PLCB1: variants seen among roughly 807,000 people sequenced by gnomAD.
PLCB1 encodes the protein phospholipase C beta 1.
Under a neutral mutation model 161.8 loss-of-function variants are expected in PLCB1, and 46 were observed. That is an observed-to-expected ratio of 0.28 (90% confidence interval 0.22 to 0.36). The LOEUF (loss-of-function observed/expected upper bound fraction) is 0.36. Among genes scored for constraint, PLCB1 ranks in the 10% least tolerant of loss-of-function variants. The pLI, the probability that PLCB1 is intolerant of heterozygous loss-of-function variation, is 1.00. For synonymous variants in PLCB1, 517 were observed against 503.7 expected (o/e 1.03, Z -0.35); for missense variants, 1,016 against 1,472.5 (o/e 0.69, Z 5.07).
chr20:8,184,769 TTTATTATTATTATTA>T lies in PLCB1; in HGVS notation c.177+34424_177+34438del, dbSNP rs57793768. Among the ~76,000 whole-genome samples the T allele has an allele frequency of 2.9e-4, 41 of 141,922 alleles. No individual in the cohort carries two copies. The East Asian group carries it at 7.7e-3, about 27-fold the overall frequency. 93.1% of individuals were successfully genotyped at this position (141,922 alleles called of 152,430 possible). ...AACATTTCGAAAGTTTGGCAATACC[TTTATTATTATTATTA>T]TTATTATTATTATTATTATTATTAT... On this transcript the variant is annotated intron_variant, in intron 2 of 31. Transcript: ENST00000338037.
chr20:8,407,523 G>C (rs985652145), intron 3 of PLCB1, among the ~76,000 whole-genome samples: 1 of 152,156 alleles, frequency 6.6e-6, no homozygotes, highest in Non-Finnish European at 1.5e-5. Flanking sequence ...AGAAAAATGA[G>C]GAAGAAGCAA....
intron 23 of PLCB1, among the ~76,000 whole-genome samples, chr20:8,756,489 A>G (rs1450691634): frequency 6.6e-6 from 1 of 152,194 alleles, no homozygotes; most frequent in Non-Finnish European, 1.5e-5. Flanking sequence ...TTTTTCATGC[A>G]TTATCTGGTC....
intron 3 of PLCB1, among the ~76,000 whole-genome samples, chr20:8,596,201 C>T (rs1216646968): frequency 6.7e-6 from 1 of 148,532 alleles, no homozygotes; most frequent in African/African-American, 2.5e-5. Context: ...AATGGTAATG[C>T]CTAGGTTTTC....
At chr20:8,353,123 G>A (rs1605791) in intron 2 of PLCB1, among the ~76,000 whole-genome samples, 38,047 of 151,878 alleles carry the variant, frequency 0.25, 5,669 homozygotes, top group African/African-American at 0.4. Flanking sequence ...CTAGAGCTGG[G>A]GAAGGGAATT....
At position 8,482,884 on chromosome 20, in the gene PLCB1, G is replaced by A. The variant is rs1982566224; in HGVS notation, c.246+111434G>A. 2.8e-5 allele frequency among the ~76,000 whole-genome samples: 4 copies of A among 143,014 alleles called. 1 individual carries two copies. The Admixed American group carries it at 2.9e-4, about 11-fold the overall frequency. The allele number at this position is 143,014 out of a possible 152,430, so 93.8% of individuals were successfully genotyped here. A position where few individuals can be genotyped will look rare whatever the true frequency, so the allele number is the denominator to read the frequency against. Reference sequence around the variant, plus strand: ...GAGATATTTGGCAAATGTAAGCAGGGCAGGCAGTCCTTCATTTTTTTTTTT... The same window carrying A: ...GAGATATTTGGCAAATGTAAGCAGGACAGGCAGTCCTTCATTTTTTTTTTT... On this transcript the variant is annotated intron_variant, in intron 3 of 31. Coordinates refer to ENST00000338037, the MANE Select transcript of PLCB1 (RefSeq NM_015192.4).
At chr20:8,577,960 C>T (rs1986726686) in intron 3 of PLCB1, among the ~76,000 whole-genome samples, 1 of 152,142 alleles carries the variant, frequency 6.6e-6, no homozygotes, top group Admixed American at 6.5e-5. Flanking sequence ...TGTAAACAAG[C>T]CTAAAAAAAT....
At chr20:8,363,782 T>C (rs1026347371) in intron 2 of PLCB1, among the ~76,000 whole-genome samples, 7 of 152,052 alleles carry the variant, frequency 4.6e-5, no homozygotes, top group African/African-American at 1.7e-4. Context: ...ATGCAGAGAT[T>C]TGTGAGGAAA....
intron 2 of PLCB1, among the ~76,000 whole-genome samples, chr20:8,161,049 A>G (rs1423960389): frequency 6.6e-6 from 1 of 152,068 alleles, no homozygotes; most frequent in Non-Finnish European, 1.5e-5. Context: ...TGTTATCATT[A>G]TCCTTGTTAT....
intron 31 of PLCB1, among the ~76,000 whole-genome samples, chr20:8,828,457 T>C (rs942540374): frequency 2.0e-5 from 3 of 152,206 alleles, no homozygotes; most frequent in African/African-American, 7.2e-5. Flanking sequence ...AAAATTATTT[T>C]GCAGTGAGAC....
chr20:8,357,770 G>A (rs940838981), intron 2 of PLCB1, among the ~76,000 whole-genome samples: 1 of 152,194 alleles, frequency 6.6e-6, no homozygotes, highest in African/African-American at 2.4e-5. Context: ...AGTTTTATTT[G>A]AGAACTCTTG....
intron 31 of PLCB1, among the ~76,000 whole-genome samples, chr20:8,820,117 T>C (rs916883869): frequency 6.7e-6 from 1 of 148,552 alleles, no homozygotes; most frequent in African/African-American, 2.4e-5. Context: ...TTTTTTTTTT[T>C]CAAAATTTTT....
chr20:8,671,911 G>C (rs1227071457), intron 9 of PLCB1, among the ~76,000 whole-genome samples: 4 of 152,128 alleles, frequency 2.6e-5, no homozygotes, highest in Non-Finnish European at 5.9e-5. Context: ...CTAAGCCTCC[G>C]TGTACTCAAC....
chr20:8,288,705 A>C (rs746857476), intron 2 of PLCB1, among the ~76,000 whole-genome samples: 4 of 152,136 alleles, frequency 2.6e-5, no homozygotes, highest in Non-Finnish European at 5.9e-5. Flanking sequence ...TGACACCTTC[A>C]GCATCTGCAG....
At position 8,716,098 on chromosome 20, in the gene PLCB1, T is replaced by G. The variant is rs920315351; in HGVS notation, c.1251-166T>G. 9 of 619,520 alleles carry G rather than the reference T, an allele frequency of 1.5e-5. No homozygotes were observed. The Admixed American group carries it at 1.9e-4, about 13-fold the overall frequency. The allele number at this position is 619,520 out of a possible 1,614,324, so 38.4% of individuals were successfully genotyped here. ...TTCGCTGTCCATCTGTGTATGTTAT[T>G]CAAATTCACATAAGTTAAGATAAAG... On this transcript the variant is annotated intron_variant, in intron 12 of 31. Coordinates refer to ENST00000338037, the MANE Select transcript of PLCB1 (RefSeq NM_015192.4).
At chr20:8,798,343 A>G (rs1984126822) in intron 31 of PLCB1, among the ~76,000 whole-genome samples, 1 of 152,216 alleles carries the variant, frequency 6.6e-6, no homozygotes, top group Admixed American at 6.5e-5. Flanking sequence ...TAACATCTGT[A>G]TCAGTCAGGG....
chr20:8,472,394 T>C (rs190445515), intron 3 of PLCB1, among the ~76,000 whole-genome samples: 1 of 152,310 alleles, frequency 6.6e-6, no homozygotes, highest in African/African-American at 2.4e-5. Context: ...GGTGACCACT[T>C]AATTTTACTG....
At chr20:8,658,515 G>T (rs1480833662) in intron 8 of PLCB1, 23 bp from the exon 9 acceptor site, 3 of 1,549,196 alleles carry the variant, frequency 1.9e-6, no homozygotes, top group Non-Finnish European at 2.6e-6. Flanking sequence ...AATTCTTATT[G>T]CTTGGTTTTT....
chr20:8,780,130 C>G (rs1048149874), intron 27 of PLCB1, among the ~76,000 whole-genome samples: 1 of 152,124 alleles, frequency 6.6e-6, no homozygotes, highest in African/African-American at 2.4e-5. Flanking sequence ...ACTGGTTAAA[C>G]CTGTGTTTCG....
chr20:8,405,440 C>T (rs1235142), intron 3 of PLCB1, among the ~76,000 whole-genome samples: 77,744 of 152,036 alleles, frequency 0.51, 20,962 homozygotes, highest in African/African-American at 0.69. Flanking sequence ...CCATCAATTA[C>T]GCCACATGCT....
Sources: allele counts gnomAD v4.1 joint callset (sites outside exome capture counted in the v4.1 genomes callset), GRCh38; gene constraint gnomAD v4.1.1; transcripts MANE v1.5; gene names NCBI Gene and HGNC (gene_info 2026-07-23, HGNC 2026-07-21).